Variants in PCDHGA11 observed in about 807,000 individuals in gnomAD.
PCDHGA11 encodes the protein protocadherin gamma subfamily A, 11.
Under a neutral mutation model 60.4 loss-of-function variants are expected in PCDHGA11, and 39 were observed. The observed-to-expected ratio is 0.65, with a 90% CI of 0.50 to 0.84. PCDHGA11 has a LOEUF of 0.84. Ranked by LOEUF, PCDHGA11 falls within the 40% of genes least tolerant of loss-of-function variation. The pLI is 0.00. For synonymous variants in PCDHGA11, 533 were observed against 510.3 expected (o/e 1.04, Z -0.60); for missense variants, 1,165 against 1,197.7 (o/e 0.97, Z 0.40).
chr5:141,427,139 T>C (rs1430333586), intron 1 of PCDHGA11: 2 of 456,952 alleles, frequency 4.4e-6, no homozygotes, highest in East Asian at 1.4e-4. Context: ...TACGAGATGA[T>C]ATTGGAAATA....
chr5:141,485,357 C>T lies in PCDHGA11; in HGVS notation c.2434-9450C>T. ...GCTGGATACGGACAGTCTGTCAGCT[C>T]GCAGGCTGCAGGTCGCTGGAGAGGT... On this transcript the variant is annotated intron_variant, in intron 1 of 3. Transcript: ENST00000398587. The surrounding 1 kb of genome is among the most constrained non-coding windows in gnomAD (Gnocchi z 5.7). 1.2e-6 allele frequency: 2 copies of T among 1,614,084 alleles called. No individual in the cohort carries two copies. The highest frequency in any genetic ancestry group is 1.1e-5 in the South Asian group (1 of 91,070).
intron 1 of PCDHGA11, among the ~76,000 whole-genome samples, chr5:141,429,564 C>A (rs995466828): frequency 2.0e-5 from 3 of 152,092 alleles, no homozygotes; most frequent in African/African-American, 7.2e-5. Flanking sequence ...TGATAATATT[C>A]AGTTACATTT....
chr5:141,475,105 G>C (rs1215386045), intron 1 of PCDHGA11, among the ~76,000 whole-genome samples: 1 of 152,156 alleles, frequency 6.6e-6, no homozygotes, highest in Non-Finnish European at 1.5e-5. Context: ...GATCCTAGGT[G>C]GTAAATAGGC....
In PCDHGA11 at chr5:141,490,390, G is replaced by C. The variant is rs2099699651; in HGVS notation, c.2434-4417G>C. The C allele has an allele frequency of 6.2e-7, 1 of 1,614,074 alleles. No individual in the cohort carries two copies. The highest frequency in any genetic ancestry group is 8.5e-7 in the Non-Finnish European group (1 of 1,180,040). On this transcript the variant is annotated intron_variant, in intron 1 of 3. Coordinates refer to ENST00000398587, the MANE Select transcript of PCDHGA11 (RefSeq NM_018914.3). This position sits in a 1 kb window ranked among gnomAD's most constrained non-coding sequence, Gnocchi z 5.4. ...AGACCGGGACTCAGGTAGAAATGGT[G>C]AAGTGAGCCTTGATATCTCTCCGGA... is the stretch of plus-strand genomic sequence containing the variant.
At chr5:141,453,058 G>C (rs2098754889) in intron 1 of PCDHGA11, among the ~76,000 whole-genome samples, 2 of 152,076 alleles carry the variant, frequency 1.3e-5, no homozygotes, top group Admixed American at 1.3e-4. Flanking sequence ...TGCAGTTTTA[G>C]AGTTTTGCCA....
intron 1 of PCDHGA11, chr5:141,478,171 G>A (rs141465380): frequency 7.3e-5 from 118 of 1,613,942 alleles, no homozygotes; most frequent in African/African-American, 1.5e-4. Flanking sequence ...CCCCCCGGGA[G>A]CAGAAAAAAA....
At position 141,511,916 on chromosome 5, in the gene PCDHGA11, C is replaced by T. The variant is rs2099884006; in HGVS notation, c.*743C>T. ...CCACCTCCTCCTCAAACAAGAGACT[C>T]CACTGCATGTTCCAAGACAGTATGG... On this transcript the variant is annotated 3_prime_UTR_variant, in exon 4 of 4. Coordinates refer to ENST00000398587, the MANE Select transcript of PCDHGA11 (RefSeq NM_018914.3). The T allele has an allele frequency of 6.4e-6, 1 of 156,466 alleles. No individual in the cohort carries two copies. The highest frequency in any genetic ancestry group is 2.4e-5 in the African/African-American group (1 of 41,474). The allele number at this position is 156,466 out of a possible 1,614,324, so 9.7% of individuals were successfully genotyped here.
At chr5:141,463,834 A>G (rs1212299231) in intron 1 of PCDHGA11, among the ~76,000 whole-genome samples, 4 of 152,108 alleles carry the variant, frequency 2.6e-5, no homozygotes, top group East Asian at 1.9e-4. Flanking sequence ...TCCACTTCCC[A>G]GTTGTTATAG....
At position 141,432,325 on chromosome 5, in the gene PCDHGA11, C is replaced by T. The variant is rs752180978; in HGVS notation, c.2433+8665C>T. ...TGTATGCGCTGAGCTCCTTCGACTACGAGCAGTTCCGAGACTTGCAAGTGA... is the reference window on the plus strand; with the variant it reads ...TGTATGCGCTGAGCTCCTTCGACTATGAGCAGTTCCGAGACTTGCAAGTGA... On this transcript the variant is annotated intron_variant, in intron 1 of 3. Coordinates refer to ENST00000398587, the MANE Select transcript of PCDHGA11 (RefSeq NM_018914.3). The surrounding 1 kb of genome is among the most constrained non-coding windows in gnomAD (Gnocchi z 6.0). 68 of 1,614,142 alleles carry T rather than the reference C, an allele frequency of 4.2e-5. No individual in the cohort carries two copies. Among genetic ancestry groups the T allele is most frequent in the Non-Finnish European group, 5.2e-5 (61 of 1,180,050 alleles).
At chr5:141,475,803 G>T in intron 1 of PCDHGA11, 1 of 319,920 alleles carries the variant, frequency 3.1e-6, no homozygotes, top group Non-Finnish European at 5.7e-6. Flanking sequence ...GAAGCCAAAG[G>T]AAAGTGAAGT....
chr5:141,444,377 G>A (rs1035830834), intron 1 of PCDHGA11, among the ~76,000 whole-genome samples: 3 of 151,802 alleles, frequency 2.0e-5, no homozygotes, highest in Non-Finnish European at 4.4e-5. Context: ...CTCCATGTTG[G>A]TCAGGCTAGT....
intron 1 of PCDHGA11, among the ~76,000 whole-genome samples, chr5:141,460,684 T>C (rs1417815686): frequency 6.6e-6 from 1 of 152,074 alleles, no homozygotes; most frequent in Non-Finnish European, 1.5e-5. Context: ...TATCTATATA[T>C]CCACCAACAG....
chr5:141,450,633 C>T (rs751572851), intron 1 of PCDHGA11, among the ~76,000 whole-genome samples: 2 of 149,416 alleles, frequency 1.3e-5, no homozygotes, highest in East Asian at 2.0e-4. Flanking sequence ...ATTACAGATG[C>T]CTGCCACCAT....
chr5:141,499,635 A>C (rs578081078), intron 2 of PCDHGA11, among the ~76,000 whole-genome samples: 16 of 152,136 alleles, frequency 1.1e-4, no homozygotes, highest in African/African-American at 3.6e-4. Context: ...CTTTTGAAGC[A>C]AATCTCAGAC....
chr5:141,472,980 C>CAAAAAAAAA (rs60579131), intron 1 of PCDHGA11, among the ~76,000 whole-genome samples: 30 of 86,054 alleles, frequency 3.5e-4, no homozygotes, highest in African/African-American at 5.0e-4. Context: ...GAGTGAAACT[C>CAAAAAAAAA]AAAAAAAAAA....
rs2097721634 is a variant in PCDHGA11, at chr5:141,434,835, A to G, written c.2433+11175A>G. On this transcript the variant is annotated intron_variant, in intron 1 of 3. Coordinates refer to ENST00000398587, the MANE Select transcript of PCDHGA11 (RefSeq NM_018914.3). ...ATATCCCTTAGTACACTTGGCATTT[A>G]TAAAGCAGACATCAATAAATTTATA... 2.0e-5 allele frequency among the ~76,000 whole-genome samples: 3 copies of G among 151,972 alleles called. 1 individual carries two copies. In the South Asian group the frequency reaches 6.2e-4, roughly 32 times the overall value.
In PCDHGA11 at chr5:141,493,211, G is replaced by C. The variant is rs1312763933; in HGVS notation, c.2434-1596G>C. Reference sequence around the variant, plus strand: ...CTCCTTTGAGAACCTCATCTCATTTGCTCTTCCCACCATTGCTGTTGGCTA... The same window carrying C: ...CTCCTTTGAGAACCTCATCTCATTTCCTCTTCCCACCATTGCTGTTGGCTA... On this transcript the variant is annotated intron_variant, in intron 1 of 3. Transcript: ENST00000398587. The surrounding 1 kb of genome is among the most constrained non-coding windows in gnomAD (Gnocchi z 4.3). 6.6e-6 allele frequency among the ~76,000 whole-genome samples: 1 copy of C among 152,180 alleles called. No individual in the cohort carries two copies. The highest frequency in any genetic ancestry group is 2.4e-5 in the African/African-American group (1 of 41,436).
intron 1 of PCDHGA11, among the ~76,000 whole-genome samples, chr5:141,438,948 G>A (rs2154558298): frequency 6.6e-6 from 1 of 152,142 alleles, no homozygotes; most frequent in Middle Eastern, 3.4e-3. Context: ...TTATAGGCAT[G>A]AGCCACCGCA....
intron 1 of PCDHGA11, among the ~76,000 whole-genome samples, chr5:141,433,847 A>C (rs979302028): frequency 6.6e-6 from 1 of 151,976 alleles, no homozygotes; most frequent in South Asian, 2.1e-4. Context: ...CAAAAAAAAA[A>C]AAAAAAAACT....
Sources: allele counts gnomAD v4.1 joint callset (sites outside exome capture counted in the v4.1 genomes callset), GRCh38; gene constraint gnomAD v4.1.1; non-coding constraint Gnocchi (gnomAD v3.1); transcripts MANE v1.5; gene names NCBI Gene and HGNC (gene_info 2026-07-23, HGNC 2026-07-21).